Variants in AMPH observed in about 807,000 individuals in gnomAD.
AMPH encodes the protein amphiphysin (Stiff-Mann syndrome with breast cancer 128kD autoantigen).
AMPH carries 49 observed loss-of-function variants against 99.1 expected under a neutral mutation model. The ratio of observed to expected loss-of-function variants is 0.49; its 90% CI spans 0.39 to 0.63. The LOEUF is 0.63. Among genes scored for constraint, AMPH ranks in the 20% least tolerant of loss-of-function variants. AMPH has a pLI of 0.00. For missense variants in AMPH, 759 were observed against 863.4 expected (o/e 0.88, Z 1.52); for synonymous variants, 314 against 317.3 (o/e 0.99, Z 0.11).
chr7:38,435,248 A>T lies in AMPH; in HGVS notation c.1134+1024T>A, dbSNP rs1335303165. Reference sequence around the variant, plus strand: ...TATTGTTCATATTGCACAACAGGAAAGCCTTTAGAAGCCCAATCACATTCT... The same window carrying T: ...TATTGTTCATATTGCACAACAGGAATGCCTTTAGAAGCCCAATCACATTCT... On this transcript the variant is annotated intron_variant, in intron 12 of 20. Coordinates refer to ENST00000356264, the MANE Select transcript of AMPH (RefSeq NM_001635.4). Among the ~76,000 whole-genome samples, 5 of 152,198 alleles carry T rather than the reference A, an allele frequency of 3.3e-5. No individual in the cohort carries two copies. In the South Asian group the frequency reaches 1.0e-3, roughly 32 times the overall value.
At chr7:38,628,613 A>C (rs1468416888) in intron 1 of AMPH, among the ~76,000 whole-genome samples, 1 of 152,258 alleles carries the variant, frequency 6.6e-6, no homozygotes, top group African/African-American at 2.4e-5. Flanking sequence ...TATGAAGTGA[A>C]ATAAACAGGT....
chr7:38,463,167 T>C, intron 9 of AMPH, 54 bp from the exon 10 acceptor site: 1 of 1,612,206 alleles, frequency 6.2e-7, no homozygotes, highest in Non-Finnish European at 8.5e-7. Context: ...AGTATTCATC[T>C]AATCAGGGGT....
chr7:38,617,951 T>C (rs1793932019), intron 1 of AMPH, among the ~76,000 whole-genome samples: 1 of 152,330 alleles, frequency 6.6e-6, no homozygotes, highest in East Asian at 1.9e-4. Flanking sequence ...ATTTATACTA[T>C]GGCTAAAAAC....
chr7:38,436,239 A>C, intron 12 of AMPH, 33 bp downstream of exon 12: 1 of 1,506,854 alleles, frequency 6.6e-7, no homozygotes, highest in Non-Finnish European at 9.2e-7. Context: ...AGGTTTATGA[A>C]ATATCTCCAA....
At chr7:38,447,838 G>T (rs1377532616) in intron 11 of AMPH, among the ~76,000 whole-genome samples, 1 of 151,892 alleles carries the variant, frequency 6.6e-6, no homozygotes, top group Non-Finnish European at 1.5e-5. Flanking sequence ...ATTACCATGA[G>T]GGCATAGAGA....
chr7:38,407,357 C>T (rs1041570901), intron 17 of AMPH, among the ~76,000 whole-genome samples: 1 of 150,994 alleles, frequency 6.6e-6, no homozygotes, highest in Non-Finnish European at 1.5e-5. Context: ...CTCTCTTTCT[C>T]CCTATAAAAG....
Position 38,553,641 on chromosome 7 carries a change from T to C in AMPH, c.70-18630A>G, listed in dbSNP as rs567657479. ...CACCCAAGGAAGGACAACAGATATT[T>C]ATTCAGATTAAATATTGTCCTCCTG... On this transcript the variant is annotated intron_variant, in intron 1 of 20. Transcript: ENST00000356264. Among the ~76,000 whole-genome samples, 6 of 152,352 alleles carry C rather than the reference T, an allele frequency of 3.9e-5. No homozygotes were observed. The South Asian group carries it at 1.0e-3, about 26-fold the overall frequency.
At chr7:38,432,114 GA>G in intron 13 of AMPH, 74 bp downstream of exon 13, 1 of 1,260,564 alleles carries the variant, frequency 7.9e-7, no homozygotes, top group Non-Finnish European at 1.2e-6. Flanking sequence ...TGTTGCAAAT[GA>G]AATAAAATAT....
At chr7:38,496,180 T>C (rs1407930424) in intron 3 of AMPH, among the ~76,000 whole-genome samples, 1 of 152,216 alleles carries the variant, frequency 6.6e-6, no homozygotes, top group African/African-American at 2.4e-5. Context: ...AAAAATCATT[T>C]GTTAAACTGA....
At chr7:38,564,308 C>T (rs1791653666) in intron 1 of AMPH, among the ~76,000 whole-genome samples, 2 of 152,154 alleles carry the variant, frequency 1.3e-5, no homozygotes, top group Admixed American at 1.3e-4. Context: ...GGATCAGGGA[C>T]TATACAGACT....
intron 17 of AMPH, among the ~76,000 whole-genome samples, chr7:38,410,386 C>T (rs1785179453): frequency 6.6e-6 from 1 of 152,130 alleles, no homozygotes; most frequent in African/African-American, 2.4e-5. Context: ...AGTGTGGGGC[C>T]TGAAGCTTGA....
chr7:38,495,762 G>A (rs1026263124), intron 3 of AMPH, among the ~76,000 whole-genome samples: 11 of 152,040 alleles, frequency 7.2e-5, no homozygotes, highest in Admixed American at 2.6e-4. Context: ...TTTCATTAGG[G>A]ATACATTTGA....
At chr7:38,404,658 T>C (rs536864770) in intron 17 of AMPH, among the ~76,000 whole-genome samples, 1 of 152,292 alleles carries the variant, frequency 6.6e-6, no homozygotes, top group East Asian at 1.9e-4. Context: ...AAAGGATGAC[T>C]AATTTAAAAA....
chr7:38,429,097 T>C (rs1424991851), intron 14 of AMPH: 3 of 1,290,300 alleles, frequency 2.3e-6, no homozygotes, highest in Admixed American at 2.3e-5. Flanking sequence ...GAATCTTCCA[T>C]CTTCTGTTTC....
chr7:38,499,816 G>A (rs12535501), intron 3 of AMPH, among the ~76,000 whole-genome samples: 7,425 of 152,180 alleles, frequency 0.049, 344 homozygotes, highest in East Asian at 0.21. Flanking sequence ...CTGATCATGC[G>A]GGCGGGTTTC....
At chr7:38,576,530 G>A (rs1266766316) in intron 1 of AMPH, among the ~76,000 whole-genome samples, 2 of 152,110 alleles carry the variant, frequency 1.3e-5, no homozygotes, top group African/African-American at 2.4e-5. Flanking sequence ...GAAATCGTAT[G>A]TTAAGTGCTG....
At chr7:38,587,421 T>C (rs1792696382) in intron 1 of AMPH, among the ~76,000 whole-genome samples, 1 of 152,196 alleles carries the variant, frequency 6.6e-6, no homozygotes, top group Non-Finnish European at 1.5e-5. Flanking sequence ...GAGTTATCTG[T>C]GGTATTTAAG....
chr7:38,473,663 C>T (rs1787970093), intron 7 of AMPH, among the ~76,000 whole-genome samples: 1 of 53,944 alleles, frequency 1.9e-5, no homozygotes. Context: ...GAGATTGCGC[C>T]ACTGCAGTCC....
At chr7:38,528,922 C>T (rs10247916) in intron 2 of AMPH, among the ~76,000 whole-genome samples, 74,264 of 151,714 alleles carry the variant, frequency 0.49, 18,973 homozygotes, top group African/African-American at 0.65. Context: ...TTTCCAAGGC[C>T]TTGTATTCGC....
Sources: gnomAD v4.1 joint callset for allele counts (sites outside exome capture counted in the v4.1 genomes callset) on GRCh38, gnomAD v4.1.1 for gene constraint, MANE v1.5 for transcripts, NCBI Gene and HGNC (gene_info 2026-07-23, HGNC 2026-07-21) for gene names.